The following SLC7A1 variants were observed in gnomAD, a reference collection of about 807,000 sequenced individuals.
The protein encoded by SLC7A1 is solute carrier family 7 member 1, also known as high affinity cationic amino acid transporter 1.
In SLC7A1, 10 loss-of-function variants were observed where a neutral mutation model predicts 53.9. The observed-to-expected ratio is 0.19, with a 90% confidence interval of 0.11 to 0.31. The LOEUF is 0.31. SLC7A1 is among the 10% of genes least tolerant of loss of function. SLC7A1 has a pLI of 1.00. For missense variants in SLC7A1, 525 were observed against 827.2 expected (o/e 0.63, Z 4.48); for synonymous variants, 342 against 338.7 (o/e 1.01, Z -0.11).
intron 1 of SLC7A1, among the ~76,000 whole-genome samples, chr13:29,554,849 T>A (rs17073661): frequency 0.031 from 4,735 of 152,344 alleles, 203 homozygotes; most frequent in African/African-American, 0.086. Flanking sequence ...CACACTGATA[T>A]TTCATTCCTT....
At chr13:29,533,513 A>C (rs1869269717) in intron 3 of SLC7A1, among the ~76,000 whole-genome samples, 1 of 152,208 alleles carries the variant, frequency 6.6e-6, no homozygotes, top group Non-Finnish European at 1.5e-5. Context: ...GGCCCTAGGA[A>C]GTCCTTGAAG....
rs1216850988 is a variant in SLC7A1 at position 29,595,485 on chromosome 13, C to A, written c.-184G>T. 1 of 148,400 alleles carries A rather than the reference C, an allele frequency of 6.7e-6. No individual in the cohort carries two copies. Among genetic ancestry groups the A allele is most frequent in the Non-Finnish European group, 1.5e-5 (1 of 66,942 alleles). The allele number at this position is 148,400 out of a possible 1,614,324, so 9.2% of individuals were successfully genotyped here. A position where few individuals can be genotyped will look rare whatever the true frequency, so the allele number is the denominator to read the frequency against. ...ACTGTCGGACGCGCTCAAGGACCAA[C>A]GGACGCTCGGCCGGCGAGACCGGGC... On this transcript the variant is annotated 5_prime_UTR_variant, in exon 1 of 13. Transcript: ENST00000380752.
chr13:29,519,927 TC>T (rs1189827919), intron 8 of SLC7A1, among the ~76,000 whole-genome samples: 1 of 152,064 alleles, frequency 6.6e-6, no homozygotes, highest in East Asian at 1.9e-4. Context: ...TGAACTGGGT[TC>T]TTATGACTCT....
intron 1 of SLC7A1, among the ~76,000 whole-genome samples, chr13:29,569,225 G>A (rs1270858401): frequency 6.6e-6 from 1 of 152,086 alleles, no homozygotes; most frequent in Non-Finnish European, 1.5e-5. Flanking sequence ...GGAGTGAGGC[G>A]AAGGAGGACC....
chr13:29,519,640 G>C (rs1262752543), intron 8 of SLC7A1, 91 bp from the exon 9 acceptor site: 2 of 741,666 alleles, frequency 2.7e-6, no homozygotes, highest in African/African-American at 1.7e-5. Flanking sequence ...CCAGGGCAGC[G>C]AAGGGGGCTG....
At chr13:29,525,368 C>T (rs1486295540) in intron 5 of SLC7A1, among the ~76,000 whole-genome samples, 1 of 152,232 alleles carries the variant, frequency 6.6e-6, no homozygotes, top group African/African-American at 2.4e-5. Flanking sequence ...GTTGCCCCCA[C>T]TCAACCATAT....
intron 1 of SLC7A1, among the ~76,000 whole-genome samples, chr13:29,576,006 G>A (rs1218838152): frequency 6.6e-6 from 1 of 152,000 alleles, no homozygotes; most frequent in African/African-American, 2.4e-5. Flanking sequence ...AAGAAATTTA[G>A]GCCACGTGTG....
chr13:29,550,912 T>C (rs1201130505), intron 2 of SLC7A1, among the ~76,000 whole-genome samples: 2 of 152,224 alleles, frequency 1.3e-5, no homozygotes, highest in African/African-American at 4.8e-5. Flanking sequence ...CACTGAATCC[T>C]TGGGGGGCTA....
chr13:29,594,217 C>T (rs1872215746), intron 1 of SLC7A1, among the ~76,000 whole-genome samples: 1 of 152,218 alleles, frequency 6.6e-6, no homozygotes, highest in Non-Finnish European at 1.5e-5. Flanking sequence ...GGGCATTCGG[C>T]CAGAGGCCGA....
intron 1 of SLC7A1, among the ~76,000 whole-genome samples, chr13:29,586,178 T>C (rs140890986): frequency 6.6e-6 from 1 of 152,188 alleles, no homozygotes; most frequent in Non-Finnish European, 1.5e-5. Flanking sequence ...AAGTGCAAAA[T>C]GGGGTATGTA....
rs1201577201 is a variant in SLC7A1, at chr13:29,513,362, T to G, written c.*1118A>C. ...GACATGGCCATTTCCAAGTTAATGT[T>G]ATGCCCTAACTTAATCTGGTGGAGT... On this transcript the variant is annotated 3_prime_UTR_variant, in exon 13 of 13. Transcript: ENST00000380752. 1 of 152,800 alleles carries G rather than the reference T, an allele frequency of 6.5e-6. No homozygotes were observed. Among genetic ancestry groups the G allele is most frequent in the East Asian group, 1.9e-4 (1 of 5,188 alleles). 9.5% of individuals were successfully genotyped at this position (152,800 alleles called of 1,614,324 possible).
chr13:29,540,835 T>C (rs1340402467), intron 2 of SLC7A1, among the ~76,000 whole-genome samples: 2 of 152,242 alleles, frequency 1.3e-5, no homozygotes, highest in Non-Finnish European at 2.9e-5. Context: ...TCTACGTTTG[T>C]ATCAGGCTAA....
At chr13:29,589,523 G>A (rs1872017001) in intron 1 of SLC7A1, among the ~76,000 whole-genome samples, 1 of 152,226 alleles carries the variant, frequency 6.6e-6, no homozygotes, top group South Asian at 2.1e-4. Flanking sequence ...CTGCCCCAAG[G>A]ACCCCAGGGC....
In SLC7A1 at chr13:29,516,231, C is replaced by G; in HGVS notation, c.1693G>C (p.Val565Leu). The change falls in exon 12 of 13, where the codon GTG (valine) becomes CTG (leucine). Residue 565 changes from valine (V) to leucine (L), a missense_variant. Physicochemically the swap from Val to Leu is conservative, Grantham distance 32. Around this residue, in one of 4 missense-constraint regions of SLC7A1, gnomAD observed 8 missense variants for 37.5 expected, o/e 0.21. Transcript: ENST00000380752. ...ACGAAGATGCTCAGGATGGGGAGCACTGGCAGGAAGGGAACCTGAAGAGAC... is the reference window on the plus strand; with the variant it reads ...ACGAAGATGCTCAGGATGGGGAGCAGTGGCAGGAAGGGAACCTGAAGAGAC... ...KLSFKVPFLPVLPILSIFVNV... is the reference protein window; with the variant it reads ...KLSFKVPFLPLLPILSIFVNV... 1 of 1,612,754 alleles carries G rather than the reference C, an allele frequency of 6.2e-7. No individual in the cohort carries two copies. The highest frequency in any genetic ancestry group is 8.5e-7 in the Non-Finnish European group (1 of 1,179,264).
chr13:29,560,138 T>G (rs1476840670), intron 1 of SLC7A1, among the ~76,000 whole-genome samples: 3 of 142,016 alleles, frequency 2.1e-5, no homozygotes, highest in African/African-American at 3.1e-5. Context: ...AATTTTTTTG[T>G]TTTTTTTTAC....
At chr13:29,525,221 A>G (rs73452359) in intron 5 of SLC7A1, among the ~76,000 whole-genome samples, 2,681 of 152,270 alleles carry the variant, frequency 0.018, 74 homozygotes, top group African/African-American at 0.06. Flanking sequence ...CCGAAAAGCA[A>G]TTGCACTCCT....
At position 29,519,395 on chromosome 13, in the gene SLC7A1, C is replaced by T; in HGVS notation, c.1292+52G>A. 3 of 1,057,596 alleles carry T rather than the reference C, an allele frequency of 2.8e-6. No individual in the cohort carries two copies. The Middle Eastern group carries it at 6.0e-4, about 211-fold the overall frequency. The allele number at this position is 1,057,596 out of a possible 1,614,324, so 65.5% of individuals were successfully genotyped here. ...AAACCATAGCTGAACTGTGAAAAGGCTACCAGGTGCATCTGCATTTCTGTC... is the reference window on the plus strand; with the variant it reads ...AAACCATAGCTGAACTGTGAAAAGGTTACCAGGTGCATCTGCATTTCTGTC... On this transcript the variant is annotated intron_variant, in intron 9 of 12. Transcript: ENST00000380752.
intron 1 of SLC7A1, among the ~76,000 whole-genome samples, chr13:29,563,927 G>A (rs1870866010): frequency 6.6e-6 from 1 of 152,194 alleles, no homozygotes; most frequent in Non-Finnish European, 1.5e-5. Flanking sequence ...TTTCACCATG[G>A]GGAGGGCAGC....
At chr13:29,585,045 A>G (rs1871823161) in intron 1 of SLC7A1, among the ~76,000 whole-genome samples, 3 of 152,212 alleles carry the variant, frequency 2.0e-5, no homozygotes, top group African/African-American at 7.2e-5. Flanking sequence ...CACCTTTGGG[A>G]CACCACTGTG....
Sources: allele counts gnomAD v4.1 joint callset (sites outside exome capture counted in the v4.1 genomes callset), GRCh38; gene constraint gnomAD v4.1.1; regional missense constraint gnomAD v4.1.1; transcripts MANE v1.5; gene names NCBI Gene and HGNC (gene_info 2026-07-23, HGNC 2026-07-21).